The following TASP1 variants were observed in gnomAD, a reference collection of about 807,000 sequenced individuals.
TASP1 encodes threonine aspartase 1.
TASP1 carries 16 observed loss-of-function variants against 56.6 expected under a neutral mutation model. That is an observed-to-expected ratio of 0.28 (90% CI 0.19 to 0.43). TASP1 has a LOEUF of 0.43. TASP1 is among the 20% of genes least tolerant of loss of function. The pLI is 1.00. For synonymous variants in TASP1, 179 were observed against 184.2 expected, an observed-to-expected ratio of 0.97 and a Z score of 0.23; for missense variants, 393 against 511.6, an observed-to-expected ratio of 0.77 and a Z score of 2.24.
intron 7 of TASP1, among the ~76,000 whole-genome samples, 154 bp from the exon 8 acceptor site, chr20:13,559,268 T>C (rs1332686462): frequency 6.6e-6 from 1 of 152,032 alleles, no homozygotes; most frequent in African/African-American, 2.4e-5. Flanking sequence ...ACAGGGATAG[T>C]AGGAGAATAA....
In TASP1 at chr20:13,437,241, G is replaced by T. The variant is rs959382547; in HGVS notation, c.986-2087C>A. ...ATAAACATAGTCCAGCATATAAACA[G>T]AACCAATGACAAAAACCACATGATT... On this transcript the variant is annotated intron_variant, in intron 11 of 13. Transcript: ENST00000337743. Among the ~76,000 whole-genome samples the T allele has an allele frequency of 2.0e-4, 31 of 152,240 alleles. 3 individuals are homozygous for T. The highest frequency in any genetic ancestry group is 7.2e-4 in the African/African-American group (30 of 41,544).
At chr20:13,271,508 C>T in the TASP1 span, among the ~76,000 whole-genome samples, 28 of 152,166 alleles carry the variant, frequency 1.8e-4, no homozygotes, top group Admixed American at 1.5e-3. Context: ...AGACAAAGCC[C>T]GTGTCATTTT....
chr20:13,206,882 T>C, the TASP1 span, among the ~76,000 whole-genome samples: 38 of 152,296 alleles, frequency 2.5e-4, no homozygotes, highest in African/African-American at 8.2e-4. Flanking sequence ...ACATAGAATT[T>C]TCAAATTTGA....
chr20:13,469,792 C>CTTTTTTTTTTTTTTTTTTTTTTT lies in TASP1; in HGVS notation c.985+13412_985+13434dup, dbSNP rs546419566. ...ACAGTTGTCCAGGTCAATAAATGTC[C>CTTTTTTTTTTTTTTTTTTTTTTT]TTTTTTTTTTTTTTTTTTTTTTTTT... On this transcript the variant is annotated intron_variant, in intron 11 of 13. Transcript: ENST00000337743. 3.8e-4 allele frequency among the ~76,000 whole-genome samples: 15 copies of CTTTTTTTTTTTTTTTTTTTTTTT among 39,544 alleles called. 4 individuals carry two copies. The highest frequency in any genetic ancestry group is 4.7e-4 in the Non-Finnish European group (10 of 21,466). The allele number at this position is 39,544 out of a possible 152,430, so 25.9% of individuals were successfully genotyped here. A position where few individuals can be genotyped will look rare whatever the true frequency, so the allele number is the denominator to read the frequency against.
At chr20:13,114,434 T>C in the TASP1 span, among the ~76,000 whole-genome samples, 1 of 152,200 alleles carries the variant, frequency 6.6e-6, no homozygotes, top group Non-Finnish European at 1.5e-5. Context: ...CCAAATAACC[T>C]GGGACATAAA....
chr20:13,301,890 T>C, the TASP1 span, among the ~76,000 whole-genome samples: 3 of 152,152 alleles, frequency 2.0e-5, no homozygotes, highest in Non-Finnish European at 4.4e-5. Flanking sequence ...CAAAGTACTA[T>C]GAAGAAATAG....
At chr20:13,345,720 T>C in the TASP1 span, among the ~76,000 whole-genome samples, 26 of 152,206 alleles carry the variant, frequency 1.7e-4, no homozygotes, top group South Asian at 5.2e-3. Context: ...GAACACCAGA[T>C]GCTTGTTCGC....
At chr20:13,109,973 C>A in the TASP1 span, 1 of 644,544 alleles carries the variant, frequency 1.6e-6, no homozygotes, top group Non-Finnish European at 2.6e-6. Flanking sequence ...TCTCTCTCTC[C>A]CTAAGGGTTC....
At chr20:13,285,269 T>G in the TASP1 span, among the ~76,000 whole-genome samples, 1 of 151,980 alleles carries the variant, frequency 6.6e-6, no homozygotes, top group Middle Eastern at 3.4e-3. Context: ...CCAGCCTAGG[T>G]GACAGAGTGA....
At chr20:13,460,301 A>G (rs1228105259) in intron 11 of TASP1, among the ~76,000 whole-genome samples, 2 of 151,936 alleles carry the variant, frequency 1.3e-5, no homozygotes, top group Non-Finnish European at 2.9e-5. Context: ...AAACTCCTGG[A>G]TTTTCTCCAG....
intron 13 of TASP1, among the ~76,000 whole-genome samples, chr20:13,414,439 T>A (rs1347604974): frequency 6.6e-6 from 1 of 152,174 alleles, no homozygotes; most frequent in Non-Finnish European, 1.5e-5. Context: ...CTGCAACTAA[T>A]AAGAAGTCTG....
intron 10 of TASP1, among the ~76,000 whole-genome samples, chr20:13,510,883 T>G (rs1255505447): frequency 6.6e-6 from 1 of 152,198 alleles, no homozygotes; most frequent in Non-Finnish European, 1.5e-5. Context: ...TCCTTATTAC[T>G]GATCACAGAA....
In TASP1 at chr20:13,559,684, G is replaced by A. The variant is rs573975453; in HGVS notation, c.569-570C>T. Among the ~76,000 whole-genome samples, 11 of 152,182 alleles carry A rather than the reference G, an allele frequency of 7.2e-5. No homozygotes were observed. The South Asian group carries it at 1.5e-3, about 20-fold the overall frequency. On this transcript the variant is annotated intron_variant, in intron 7 of 13. Coordinates refer to ENST00000337743, the MANE Select transcript of TASP1 (RefSeq NM_017714.3). Reference sequence around the variant, plus strand: ...TAATGCGGGCATTTAGATAGACCTCGAGTAGAATTCTTATTACCTGTGAGA... The same window carrying A: ...TAATGCGGGCATTTAGATAGACCTCAAGTAGAATTCTTATTACCTGTGAGA...
the TASP1 span, among the ~76,000 whole-genome samples, chr20:13,212,958 G>A: frequency 6.6e-6 from 1 of 152,174 alleles, no homozygotes; most frequent in Non-Finnish European, 1.5e-5. Context: ...CATTGATGAT[G>A]AGATCTTGTG....
At chr20:13,420,604 A>G (rs1018161754) in intron 12 of TASP1, among the ~76,000 whole-genome samples, 1 of 152,262 alleles carries the variant, frequency 6.6e-6, no homozygotes, top group Non-Finnish European at 1.5e-5. Flanking sequence ...TTATTTCATT[A>G]CTTGTAGTAC....
At chr20:13,587,179 T>C (rs2047336937) in intron 5 of TASP1, 71 bp downstream of exon 5, 2 of 1,503,250 alleles carry the variant, frequency 1.3e-6, no homozygotes, top group Admixed American at 4.7e-5. Flanking sequence ...AAGACTGTAA[T>C]CATCTTTAGA....
the TASP1 span, among the ~76,000 whole-genome samples, chr20:13,179,770 T>A: frequency 1.3e-5 from 2 of 152,180 alleles, no homozygotes; most frequent in Non-Finnish European, 2.9e-5. Flanking sequence ...CACAGCTGTT[T>A]ACCCCGGAGA....
At chr20:13,454,069 A>G (rs1055433222) in intron 11 of TASP1, among the ~76,000 whole-genome samples, 5 of 152,014 alleles carry the variant, frequency 3.3e-5, no homozygotes, top group Non-Finnish European at 7.4e-5. Flanking sequence ...GGGGAAAAAA[A>G]AAAAAACAAG....
the TASP1 span, among the ~76,000 whole-genome samples, chr20:13,235,831 C>T: frequency 2.0e-5 from 3 of 152,292 alleles, no homozygotes; most frequent in East Asian, 5.8e-4. Flanking sequence ...TGAAAGGGCA[C>T]CGTTTCCTAC....
Sources: allele counts gnomAD v4.1 joint callset (sites outside exome capture counted in the v4.1 genomes callset), GRCh38; gene constraint gnomAD v4.1.1; transcripts MANE v1.5; gene names NCBI Gene and HGNC (gene_info 2026-07-23, HGNC 2026-07-21).